Variants in RAPGEF1 observed in about 807,000 individuals in gnomAD.
The protein encoded by RAPGEF1 is CRK SH3-binding GNRP.
In RAPGEF1, 33 loss-of-function variants were observed where a neutral mutation model predicts 143.3. The observed-to-expected ratio is 0.23, with a 90% CI of 0.17 to 0.31. The LOEUF (loss-of-function observed/expected upper bound fraction) is 0.31. RAPGEF1 is among the 10% of genes least tolerant of loss of function. The pLI is 1.00. For missense variants in RAPGEF1, 1,199 were observed against 1,645.4 expected (o/e 0.73, Z 4.69); for synonymous variants, 629 against 676.5 (o/e 0.93, Z 1.09).
intron 22 of RAPGEF1, among the ~76,000 whole-genome samples, chr9:131,586,197 AACACACACACACGCACGC>A (rs1952696868): frequency 6.8e-6 from 1 of 146,032 alleles, no homozygotes; most frequent in African/African-American, 2.6e-5. Flanking sequence ...CTCCGTCTCA[AACACACACACACGCACGC>A]ACACACACAC....
chr9:131,684,385 C>A (rs1342810256), intron 1 of RAPGEF1, among the ~76,000 whole-genome samples: 1 of 152,116 alleles, frequency 6.6e-6, no homozygotes, highest in Non-Finnish European at 1.5e-5. Flanking sequence ...ACAATAATGC[C>A]CCAGGCTATC....
chr9:131,636,764 C>T (rs1392470699), intron 5 of RAPGEF1, among the ~76,000 whole-genome samples: 2 of 152,242 alleles, frequency 1.3e-5, no homozygotes, highest in Non-Finnish European at 2.9e-5. Context: ...ACGTTCCACT[C>T]TGCTCTGCTG....
chr9:131,688,604 T>A (rs1833544099), intron 1 of RAPGEF1, among the ~76,000 whole-genome samples: 3 of 152,194 alleles, frequency 2.0e-5, no homozygotes, highest in African/African-American at 7.2e-5. Context: ...CACTAGAAAC[T>A]ATTACAATGA....
intron 1 of RAPGEF1, among the ~76,000 whole-genome samples, chr9:131,671,697 C>A (rs116533930): frequency 6.6e-6 from 1 of 152,114 alleles, no homozygotes; most frequent in African/African-American, 2.4e-5. Context: ...GCCCTGGAAC[C>A]GAGACTGGCA....
intron 5 of RAPGEF1, among the ~76,000 whole-genome samples, chr9:131,631,437 G>A (rs1964821736): frequency 6.6e-6 from 1 of 152,230 alleles, no homozygotes; most frequent in African/African-American, 2.4e-5. Context: ...CTTCGTGTGG[G>A]CGAGGCGCCT....
chr9:131,732,201 C>T (rs1317392316), intron 1 of RAPGEF1, among the ~76,000 whole-genome samples: 1 of 151,486 alleles, frequency 6.6e-6, no homozygotes, highest in Non-Finnish European at 1.5e-5. Context: ...GAGAGTAATG[C>T]TGCAGGAAGC....
In RAPGEF1 at chr9:131,704,109, G is replaced by A. The variant is rs1020757106; in HGVS notation, c.61+35661C>T. Among the ~76,000 whole-genome samples the A allele has an allele frequency of 2.6e-5, 4 of 151,944 alleles. No individual in the cohort carries two copies. In the East Asian group the frequency reaches 7.7e-4, roughly 29 times the overall value. ...TACGCATTATTATTAATCTCATTTA[G>A]AGATCAAGACACAGGCCTGGAAATG... is the stretch of plus-strand genomic sequence containing the variant. On this transcript the variant is annotated intron_variant, in intron 1 of 26. Transcript: ENST00000683357.
Position 131,667,405 on chromosome 9 carries a change from C to T in RAPGEF1, c.62-16456G>A, listed in dbSNP as rs1387841340. 6.6e-6 allele frequency among the ~76,000 whole-genome samples: 1 copy of T among 152,232 alleles called. No individual in the cohort carries two copies. Among genetic ancestry groups the T allele is most frequent in the Non-Finnish European group, 1.5e-5 (1 of 68,034 alleles). ...AGTCCCAGACTATGGAGCCCTCCCA[C>T]ACCCTCTTCCTACACGGAGGTACTG... is the stretch of plus-strand genomic sequence containing the variant. On this transcript the variant is annotated intron_variant, in intron 1 of 26. Coordinates refer to ENST00000683357, the MANE Select transcript of RAPGEF1 (RefSeq NM_001377935.1). This position sits in a 1 kb window ranked among gnomAD's most constrained non-coding sequence, Gnocchi z 4.6.
At chr9:131,639,773 A>G (rs537400182) in intron 4 of RAPGEF1, among the ~76,000 whole-genome samples, 291 of 152,338 alleles carry the variant, frequency 1.9e-3, no homozygotes, top group Non-Finnish European at 2.7e-3. Flanking sequence ...AGCCAAAGAT[A>G]TAACTTTGAG....
intron 12 of RAPGEF1, among the ~76,000 whole-genome samples, chr9:131,610,616 A>G (rs1957892308): frequency 6.6e-6 from 1 of 152,202 alleles, no homozygotes; most frequent in African/African-American, 2.4e-5. Flanking sequence ...CATTTGTGAG[A>G]AAACACATTC....
At position 131,719,293 on chromosome 9, in the gene RAPGEF1, A is replaced by G. The variant is rs532521231; in HGVS notation, c.61+20477T>C. Among the ~76,000 whole-genome samples, 10 of 152,306 alleles carry G rather than the reference A, an allele frequency of 6.6e-5. No individual in the cohort carries two copies. The East Asian group carries it at 1.9e-3, about 29-fold the overall frequency. On this transcript the variant is annotated intron_variant, in intron 1 of 26. Transcript: ENST00000683357. ...CTTCCCAACTGCTCAGCTTCTGGCC[A>G]TCTCTTGTCAGGGCTCATTAGATCA... is the stretch of plus-strand genomic sequence containing the variant.
At chr9:131,592,292 G>C in intron 17 of RAPGEF1, 109 bp from the exon 18 acceptor site, 2 of 846,902 alleles carry the variant, frequency 2.4e-6, no homozygotes, top group Non-Finnish European at 3.8e-6. Context: ...GAGATGGCAC[G>C]GGGAGTGGGA....
Position 131,585,663 on chromosome 9 carries a change from T to G in RAPGEF1, c.3234-1067A>C, listed in dbSNP as rs181886695. 1.2e-3 allele frequency among the ~76,000 whole-genome samples: 179 copies of G among 151,800 alleles called. 1 individual carries two copies. Among genetic ancestry groups the G allele is most frequent in the Non-Finnish European group, 2.0e-3 (139 of 67,940 alleles). ...AAACATGCTTTTCCCCAGGATGGAG[T>G]GCTTCTGTGGGGAGGAAGATAGGCA... On this transcript the variant is annotated intron_variant, in intron 22 of 26. Transcript: ENST00000683357.
rs745839500 is a variant in RAPGEF1 at position 131,582,732 on chromosome 9, CA to C, written c.3415-31del. 7 of 1,536,460 alleles carry C rather than the reference CA, an allele frequency of 4.6e-6. No homozygotes were observed. The East Asian group carries it at 7.7e-5, about 17-fold the overall frequency. The stretch of plus-strand genomic sequence containing the variant: ...CAGGACAGGACAGGACAGGACCGGA[CA>C]GGGGTGAGCGAGTGCTGGGGCAATG... On this transcript the variant is annotated intron_variant, in intron 24 of 26. Transcript: ENST00000683357.
intron 1 of RAPGEF1, among the ~76,000 whole-genome samples, chr9:131,662,150 C>T (rs1974284867): frequency 6.6e-6 from 1 of 152,204 alleles, no homozygotes; most frequent in Non-Finnish European, 1.5e-5. Flanking sequence ...GGCCTGCTCA[C>T]ACACTGCACC....
At chr9:131,706,200 A>G (rs535870183) in intron 1 of RAPGEF1, among the ~76,000 whole-genome samples, 1 of 151,672 alleles carries the variant, frequency 6.6e-6, no homozygotes, top group East Asian at 1.9e-4. Context: ...TCCACCCACC[A>G]AGATTTCACA....
At chr9:131,682,006 C>A (rs749624586) in intron 1 of RAPGEF1, among the ~76,000 whole-genome samples, 1 of 152,120 alleles carries the variant, frequency 6.6e-6, no homozygotes, top group Non-Finnish European at 1.5e-5. Flanking sequence ...AGAGGGAAAG[C>A]GCATTTAGTT....
At chr9:131,589,014 G>A (rs1200595519) in intron 19 of RAPGEF1, 28 bp from the exon 20 acceptor site, 9 of 1,603,182 alleles carry the variant, frequency 5.6e-6, no homozygotes, top group African/African-American at 1.3e-5. Context: ...ACAAGGTGAG[G>A]AGCAGGAACG....
chr9:131,706,146 T>G (rs1835038255), intron 1 of RAPGEF1, among the ~76,000 whole-genome samples: 1 of 152,140 alleles, frequency 6.6e-6, no homozygotes, highest in Non-Finnish European at 1.5e-5. Flanking sequence ...GTTCCTAAAC[T>G]AGACACAGAC....
Sources: allele counts gnomAD v4.1 joint callset (sites outside exome capture counted in the v4.1 genomes callset), GRCh38; gene constraint gnomAD v4.1.1; non-coding constraint Gnocchi (gnomAD v3.1); transcripts MANE v1.5; gene names NCBI Gene and HGNC (gene_info 2026-07-23, HGNC 2026-07-21).